The following WDR59 variants were observed in gnomAD, a reference collection of about 807,000 sequenced individuals.
WDR59 encodes GATOR2 complex protein WDR59.
In WDR59, 100 loss-of-function variants were observed where a neutral mutation model predicts 131.2. That is an observed-to-expected ratio of 0.76 (90% CI 0.65 to 0.90). The LOEUF is 0.90. WDR59 is among the 40% of genes least tolerant of loss of function. The pLI is 0.00. For synonymous variants in WDR59, 601 were observed against 466.2 expected, an observed-to-expected ratio of 1.29 and a Z score of -3.72; for missense variants, 1,203 against 1,262.2, an observed-to-expected ratio of 0.95 and a Z score of 0.71.
At chr16:74,951,691 A>G in intron 3 of WDR59, 148 bp from the exon 4 acceptor site, 1 of 683,116 alleles carries the variant, frequency 1.5e-6, no homozygotes, top group South Asian at 1.7e-5. Context: ...AGCCATCAGG[A>G]ATAAGTACAA....
chr16:74,919,274 A>G (rs1190707191), intron 10 of WDR59, among the ~76,000 whole-genome samples: 1 of 151,028 alleles, frequency 6.6e-6, no homozygotes, highest in Non-Finnish European at 1.5e-5. Context: ...GCCCCTGTTC[A>G]TGCCACCCTA....
At chr16:74,885,620 C>G in intron 25 of WDR59, 33 bp downstream of exon 25, 4 of 1,608,456 alleles carry the variant, frequency 2.5e-6, no homozygotes, top group Non-Finnish European at 3.4e-6. Context: ...ATCTTTCAGA[C>G]AGTGAAAGGA....
intron 25 of WDR59, among the ~76,000 whole-genome samples, chr16:74,875,140 A>C (rs1597615239): frequency 6.6e-6 from 1 of 152,196 alleles, no homozygotes; most frequent in Non-Finnish European, 1.5e-5. Context: ...GACTGGCTTT[A>C]CCAACGCCTG....
rs371353558 is a variant in WDR59 at position 74,952,941 on chromosome 16, A to G, written c.241-1398T>C. ...GCTTCCAAAGAGAATAGGAATGAAA[A>G]GAAAAGTTCCCTCTTCTAATAATAT... On this transcript the variant is annotated intron_variant, in intron 3 of 25. Coordinates refer to ENST00000262144, the MANE Select transcript of WDR59 (RefSeq NM_030581.4). Among the ~76,000 whole-genome samples, 18 of 152,240 alleles carry G rather than the reference A, an allele frequency of 1.2e-4. 3 individuals are homozygous for G. The highest frequency in any genetic ancestry group is 7.7e-4 in the East Asian group (4 of 5,184).
chr16:74,973,346 C>G (rs559811153), intron 1 of WDR59, among the ~76,000 whole-genome samples: 46 of 152,158 alleles, frequency 3.0e-4, no homozygotes, highest in Non-Finnish European at 5.6e-4. Flanking sequence ...ATCACCCCAG[C>G]TGGAGCACAG....
Position 74,888,225 on chromosome 16 carries a change from G to C in WDR59, c.2290C>G (p.Pro764Ala). The C allele has an allele frequency of 2.5e-6, 4 of 1,614,122 alleles. No individual in the cohort carries two copies. The highest frequency in any genetic ancestry group is 3.4e-6 in the Non-Finnish European group (4 of 1,180,004). ...GAACGGTTAGGAAAAGGCCCAAAGG[G>C]GTTTGGTAGCCCCTGAGGCCGAGAC... ...AQSRPQGLPN[P>A]FGPFPNRSSN... The change falls in exon 22 of 26, where the codon CCC (proline) becomes GCC (alanine). Residue 764 changes from proline to alanine, a missense_variant. By Grantham distance (27) the Pro-to-Ala change is conservative. Transcript: ENST00000262144.
intron 8 of WDR59, among the ~76,000 whole-genome samples, chr16:74,934,077 T>C (rs1022439701): frequency 6.6e-6 from 1 of 151,232 alleles, no homozygotes; most frequent in African/African-American, 2.4e-5. Context: ...GATATGCTTG[T>C]CATTCTGCAG....
chr16:74,968,983 C>T (rs867501744), intron 1 of WDR59, among the ~76,000 whole-genome samples: 6 of 152,166 alleles, frequency 3.9e-5, no homozygotes, highest in Middle Eastern at 3.2e-3. Flanking sequence ...CAGAGAAAGT[C>T]AGTGCTTTGT....
chr16:74,879,996 G>A (rs1423391651), intron 25 of WDR59, among the ~76,000 whole-genome samples: 7 of 151,722 alleles, frequency 4.6e-5, no homozygotes, highest in Non-Finnish European at 1.0e-4. Context: ...GACCACAATG[G>A]ACAACAAAGT....
At position 74,913,289 on chromosome 16, in the gene WDR59, G is replaced by C. The variant is rs554412906; in HGVS notation, c.1225-927C>G. ...ATTCTTTTTTTTTTTTTTTGAGACA[G>C]GGTCTCACTTTGTCACCCAGGCTGG... On this transcript the variant is annotated intron_variant, in intron 13 of 25. Transcript: ENST00000262144. Among the ~76,000 whole-genome samples the C allele has an allele frequency of 8.0e-5, 12 of 149,274 alleles. No homozygotes were observed. The East Asian group carries it at 2.3e-3, about 29-fold the overall frequency.
chr16:74,881,704 C>T (rs955558905), intron 25 of WDR59, among the ~76,000 whole-genome samples: 1 of 151,780 alleles, frequency 6.6e-6, no homozygotes, highest in Non-Finnish European at 1.5e-5. Context: ...GAAACCGTGT[C>T]TCTACTAAAA....
At chr16:74,968,343 G>A (rs2033854661) in intron 1 of WDR59, among the ~76,000 whole-genome samples, 1 of 152,196 alleles carries the variant, frequency 6.6e-6, no homozygotes, top group Non-Finnish European at 1.5e-5. Context: ...ACATGGCAAG[G>A]ACCTGAGACA....
At chr16:74,874,531 G>T in intron 25 of WDR59, 87 bp from the exon 26 acceptor site, 2 of 1,140,852 alleles carry the variant, frequency 1.8e-6, no homozygotes, top group Non-Finnish European at 2.6e-6. Flanking sequence ...GAAGAAGGAA[G>T]TCTTCCTCTC....
At chr16:74,954,267 G>T (rs998688756) in intron 3 of WDR59, among the ~76,000 whole-genome samples, 3 of 151,866 alleles carry the variant, frequency 2.0e-5, no homozygotes, top group African/African-American at 7.3e-5. Flanking sequence ...AATTAGCCAG[G>T]CGTGATCATG....
chr16:74,916,108 C>T lies in WDR59; in HGVS notation c.1099+19G>A, dbSNP rs777235544. On this transcript the variant is annotated intron_variant, in intron 12 of 25. Coordinates refer to ENST00000262144, the MANE Select transcript of WDR59 (RefSeq NM_030581.4). ...GCGTAGAGTGGCACCTTACCTGAGA[C>T]ATCAGTTTGACAAATTACCTTCTTC... 2 of 1,614,186 alleles carry T rather than the reference C, an allele frequency of 1.2e-6. No homozygotes were observed. The highest frequency in any genetic ancestry group is 1.7e-6 in the Non-Finnish European group (2 of 1,180,024).
chr16:74,918,211 GA>G (rs1418014505), intron 10 of WDR59, among the ~76,000 whole-genome samples: 6 of 152,164 alleles, frequency 3.9e-5, no homozygotes, highest in African/African-American at 1.4e-4. Context: ...TCCAGTGGTA[GA>G]AAGAGACAAA....
At chr16:74,900,057 C>T (rs554183358) in intron 18 of WDR59, among the ~76,000 whole-genome samples, 1 of 152,264 alleles carries the variant, frequency 6.6e-6, no homozygotes, top group African/African-American at 2.4e-5. Flanking sequence ...AAAGGAACTA[C>T]AAATAGGTTT....
chr16:74,976,416 TACGA>T (rs2034182569), intron 1 of WDR59, among the ~76,000 whole-genome samples: 1 of 151,816 alleles, frequency 6.6e-6, no homozygotes, highest in African/African-American at 2.4e-5. Context: ...GAATCTAGGA[TACGA>T]ACGTTTTTCT....
In WDR59 at chr16:74,916,179, C is replaced by A; in HGVS notation, c.1047G>T (p.Leu349=). The change falls in exon 12 of 26, where the codon CTG becomes CTT. Residue 349 remains leucine (L), a synonymous_variant. Transcript: ENST00000262144. Reference sequence around the variant, plus strand: ...GCTGGTGATCTGTATCTTCAGTGTGCAGGGTCTTCTCAGGTTCCGGCAGAA... The same window carrying A: ...GCTGGTGATCTGTATCTTCAGTGTGAAGGGTCTTCTCAGGTTCCGGCAGAA... ...ISLLPEPEKT[L]HTEDTDHQHT... is the part of the protein sequence containing the mutation. The A allele has an allele frequency of 6.2e-7, 1 of 1,614,110 alleles. No homozygotes were observed. The highest frequency in any genetic ancestry group is 8.5e-7 in the Non-Finnish European group (1 of 1,179,996).
Sources: gnomAD v4.1 joint callset for allele counts (sites outside exome capture counted in the v4.1 genomes callset) on GRCh38, gnomAD v4.1.1 for gene constraint, MANE v1.5 for transcripts, NCBI Gene and HGNC (gene_info 2026-07-23, HGNC 2026-07-21) for gene names.